The following ACOT9 variants were observed in gnomAD, a reference collection of about 807,000 sequenced individuals.
ACOT9 encodes acyl-coenzyme A thioesterase 9, mitochondrial.
In ACOT9, 34 loss-of-function variants were observed where a neutral mutation model predicts 39.7. That is an observed-to-expected ratio of 0.86 (90% CI 0.65 to 1.14). The LOEUF is 1.14. Among genes scored for constraint, ACOT9 ranks in the 50% most tolerant of loss-of-function variants. The pLI, the probability that ACOT9 is intolerant of heterozygous loss-of-function variation, is 0.00. For synonymous variants in ACOT9, 110 were observed against 120.5 expected, an observed-to-expected ratio of 0.91 and a Z score of 0.57; for missense variants, 313 against 344.1, an observed-to-expected ratio of 0.91 and a Z score of 0.71.
At chrX:23,719,689 T>C (rs1464885137) in intron 8 of ACOT9, among the ~76,000 whole-genome samples, 1 of 111,609 alleles carries the variant, frequency 9.0e-6, no homozygotes, top group Non-Finnish European at 1.9e-5. Context: ...TTCGTGCTCC[T>C]ATGAGAATCT....
At chrX:23,733,790 T>C (rs994282367) in intron 3 of ACOT9, among the ~76,000 whole-genome samples, 1 of 111,077 alleles carries the variant, frequency 9.0e-6, no homozygotes, top group Middle Eastern at 4.6e-3. Context: ...AGACAGAGTT[T>C]CGCTCTTGTT....
chrX:23,704,730 T>C lies in ACOT9; in HGVS notation c.1222A>G (p.Lys408Glu). 8.3e-7 allele frequency: 1 copy of C among 1,211,883 alleles called. No individual in the cohort carries two copies. Among genetic ancestry groups the C allele is most frequent in the South Asian group, 1.8e-5 (1 of 57,004 alleles). Residue 408 changes from lysine to glutamate, a missense_variant, in exon 15 of 16, where the codon AAA becomes GAA. By Grantham distance (56) the Lys-to-Glu change is moderately conservative. Coordinates refer to ENST00000379303, the MANE Select transcript of ACOT9 (RefSeq NM_001037171.2). ...TTTGGGAAAACCAATGGCACTTCTT[T>C]TTCCGACATGAACGTGAAATGAAAG... The part of the protein sequence containing the change: ...NVFHFTFMSE[K>E]EVPLVFPKTY...
intron 3 of ACOT9, among the ~76,000 whole-genome samples, chrX:23,733,754 AGTTTT>A (rs10542947): frequency 0.43 from 45,737 of 105,867 alleles, 9,815 homozygotes; most frequent in African/African-American, 0.8. Context: ...TAATTTTTGT[AGTTTT>A]GTTTTGTTTT....
At chrX:23,723,397 C>T (rs751979928) in intron 6 of ACOT9, among the ~76,000 whole-genome samples, 5 of 110,438 alleles carry the variant, frequency 4.5e-5, no homozygotes, top group East Asian at 2.8e-4. Context: ...AGGCGGATCA[C>T]GAGGTCGAGA....
chrX:23,707,182 C>T, intron 10 of ACOT9: 1 of 112,748 alleles, frequency 8.9e-6, no homozygotes, highest in Non-Finnish European at 1.8e-5. Flanking sequence ...GCCTATAGTC[C>T]TAGCTACTCA....
In ACOT9 at chrX:23,728,669, G is replaced by A; in HGVS notation, c.400+1858C>T. ...ATTTCCCAGCTCCTCCACTAAGAGG[G>A]TATGGGAGCAGTGATACCCAGGAAT... On this transcript the variant is annotated intron_variant, in intron 6 of 15. Transcript: ENST00000379303. Among the ~76,000 whole-genome samples the A allele has an allele frequency of 1.8e-5, 2 of 111,300 alleles. 1 individual carries two copies. Among genetic ancestry groups the A allele is most frequent in the Middle Eastern group, 8.4e-3 (2 of 239 alleles).
In ACOT9 at chrX:23,710,778, G is replaced by A. The variant is rs190731271; in HGVS notation, c.662+2357C>T. Among the ~76,000 whole-genome samples, 633 of 110,556 alleles carry A rather than the reference G, an allele frequency of 5.7e-3. 2 individuals carry two copies. Among genetic ancestry groups the A allele is most frequent in the Non-Finnish European group, 7.8e-3 (413 of 52,892 alleles). Reference sequence around the variant, plus strand: ...CAGGAGGTGGAGGTTGCAGTGAGCCGAGATTGCGCCACTGCACCCCAGCCG... The same window carrying A: ...CAGGAGGTGGAGGTTGCAGTGAGCCAAGATTGCGCCACTGCACCCCAGCCG... On this transcript the variant is annotated intron_variant, in intron 9 of 15. Coordinates refer to ENST00000379303, the MANE Select transcript of ACOT9 (RefSeq NM_001037171.2).
At chrX:23,736,296 G>A (rs1214141882) in intron 1 of ACOT9, among the ~76,000 whole-genome samples, 1 of 111,901 alleles carries the variant, frequency 8.9e-6, no homozygotes, top group Non-Finnish European at 1.9e-5. Flanking sequence ...TTTATTATTG[G>A]TCTTTCTATT....
chrX:23,718,905 C>CAAA (rs35558833), intron 8 of ACOT9, among the ~76,000 whole-genome samples: 8 of 37,855 alleles, frequency 2.1e-4, no homozygotes, highest in African/African-American at 6.8e-4. Flanking sequence ...GACTCCGTCT[C>CAAA]AAAAAAAAAA....
At chrX:23,732,659 T>C (rs1049253763) in intron 4 of ACOT9, among the ~76,000 whole-genome samples, 3 of 111,555 alleles carry the variant, frequency 2.7e-5, no homozygotes, top group Non-Finnish European at 3.8e-5. Context: ...CAAAATTATG[T>C]ACACCAAGAG....
At chrX:23,719,315 G>A (rs1484229770) in intron 8 of ACOT9, among the ~76,000 whole-genome samples, 2 of 111,339 alleles carry the variant, frequency 1.8e-5, no homozygotes, top group Non-Finnish European at 3.8e-5. Flanking sequence ...TCAAACATGG[G>A]AATTGAAAGA....
In ACOT9 at chrX:23,701,269, A is replaced by G. The variant is rs974065573; in HGVS notation, c.*2625T>C. Among the ~76,000 whole-genome samples, 8 of 111,331 alleles carry G rather than the reference A, an allele frequency of 7.2e-5. No individual in the cohort carries two copies. Among genetic ancestry groups the G allele is most frequent in the Non-Finnish European group, 9.4e-5 (5 of 53,120 alleles). On this transcript the variant is annotated 3_prime_UTR_variant, in exon 16 of 16. Coordinates refer to ENST00000379303, the MANE Select transcript of ACOT9 (RefSeq NM_001037171.2). The stretch of plus-strand genomic sequence containing the variant: ...AGCCACCTCCCATCATGTCATAGGT[A>G]GATATGCAAAATGCTATATTGAAGG...
chrX:23,741,080 C>T (rs1347932466), intron 1 of ACOT9, among the ~76,000 whole-genome samples: 1 of 108,808 alleles, frequency 9.2e-6, no homozygotes, highest in Non-Finnish European at 1.9e-5. Flanking sequence ...ATGTAACTAA[C>T]CTGCACATTG....
chrX:23,722,354 A>G (rs762127694), intron 7 of ACOT9, among the ~76,000 whole-genome samples: 1 of 111,445 alleles, frequency 9.0e-6, no homozygotes, highest in Admixed American at 9.6e-5. Flanking sequence ...ACCTGAGGTC[A>G]GGAGTTTGAG....
intron 15 of ACOT9, among the ~76,000 whole-genome samples, chrX:23,704,359 T>C (rs1928597572): frequency 1.1e-5 from 1 of 92,887 alleles, no homozygotes; most frequent in Non-Finnish European, 2.2e-5. Flanking sequence ...TTTTTTTTTT[T>C]CTAGTAGAGA....
chrX:23,721,861 A>G lies in ACOT9; in HGVS notation c.588+20T>C, dbSNP rs753600832. The G allele has an allele frequency of 7.7e-6, 9 of 1,175,532 alleles. No homozygotes were observed. The highest frequency in any genetic ancestry group is 1.8e-5 in the South Asian group (1 of 55,179). On this transcript the variant is annotated intron_variant, in intron 8 of 15. Transcript: ENST00000379303. ...GCTGGTTTTACTTAAACAGTGGACA[A>G]TCTTCAGGCGCATATTTACCTGGAA...
At chrX:23,719,501 G>A (rs2146831929) in intron 8 of ACOT9, among the ~76,000 whole-genome samples, 1 of 105,601 alleles carries the variant, frequency 9.5e-6, no homozygotes, top group Non-Finnish European at 1.9e-5. Flanking sequence ...CTACTGCAGT[G>A]GCCCCCAACC....
intron 1 of ACOT9, among the ~76,000 whole-genome samples, chrX:23,742,596 C>T (rs1920987880): frequency 9.0e-6 from 1 of 111,283 alleles, no homozygotes; most frequent in Non-Finnish European, 1.9e-5. Context: ...AAGTTAAGTT[C>T]AAATTGGCAC....
At position 23,702,793 on chromosome X, in the gene ACOT9, G is replaced by C. The variant is rs1028380468; in HGVS notation, c.*1101C>G. 2 of 111,898 alleles carry C rather than the reference G, an allele frequency of 1.8e-5. No homozygotes were observed. Among genetic ancestry groups the C allele is most frequent in the African/African-American group, 6.5e-5 (2 of 30,806 alleles). 9.2% of individuals were successfully genotyped at this position (111,898 alleles called of 1,213,427 possible). A position where few individuals can be genotyped will look rare whatever the true frequency, so the allele number is the denominator to read the frequency against. On this transcript the variant is annotated 3_prime_UTR_variant, in exon 16 of 16. Transcript: ENST00000379303. The stretch of plus-strand genomic sequence containing the variant: ...TGGCCTAACCCTAAGGGGGGTTACA[G>C]AACCTGCCTCATAGTGTTGATTGGA...
Sources: gnomAD v4.1 joint callset for allele counts (sites outside exome capture counted in the v4.1 genomes callset) on GRCh38, gnomAD v4.1.1 for gene constraint, MANE v1.5 for transcripts, NCBI Gene and HGNC (gene_info 2026-07-23, HGNC 2026-07-21) for gene names.